The following DGKI variants were observed in gnomAD, a reference collection of about 807,000 sequenced individuals.
DGKI encodes the protein diacylglycerol kinase iota.
In DGKI, 55 loss-of-function variants were observed where a neutral mutation model predicts 147.5. The observed-to-expected ratio is 0.37, with a 90% CI of 0.30 to 0.47. The LOEUF (loss-of-function observed/expected upper bound fraction) is 0.47. Ranked by LOEUF, DGKI falls within the 20% of genes least tolerant of loss-of-function variation. DGKI has a pLI of 1.00. For missense variants in DGKI, 1,007 were observed against 1,323.8 expected (o/e 0.76, Z 3.71); for synonymous variants, 469 against 477.1 (o/e 0.98, Z 0.22).
chr7:137,681,839 T>A (rs1053813325), intron 2 of DGKI, among the ~76,000 whole-genome samples: 1 of 152,392 alleles, frequency 6.6e-6, no homozygotes, highest in African/African-American at 2.4e-5. Flanking sequence ...TTTTTGTTTG[T>A]CTGGCGGCCT....
chr7:137,466,044 G>A lies in DGKI; in HGVS notation c.2485-9C>T, dbSNP rs1358842431. On this transcript the variant is annotated splice_polypyrimidine_tract_variant and intron_variant, in intron 25 of 32. Coordinates refer to ENST00000614521, the MANE Select transcript of DGKI (RefSeq NM_001321708.2). Reference sequence around the variant, plus strand: ...ACAAAGTGCAAATGTTCCTAAAGAAGAACAAGAAGTCTGTTGCATGAAGAA... The same window carrying A: ...ACAAAGTGCAAATGTTCCTAAAGAAAAACAAGAAGTCTGTTGCATGAAGAA... 2.5e-6 allele frequency: 4 copies of A among 1,613,172 alleles called. No individual in the cohort carries two copies. The highest frequency in any genetic ancestry group is 3.4e-6 in the Non-Finnish European group (4 of 1,179,500).
intron 7 of DGKI, among the ~76,000 whole-genome samples, chr7:137,622,892 C>T (rs954318216): frequency 2.0e-5 from 3 of 152,158 alleles, no homozygotes; most frequent in Admixed American, 6.5e-5. Flanking sequence ...CCATCAGATC[C>T]TAATGAGTAT....
intron 1 of DGKI, among the ~76,000 whole-genome samples, chr7:137,717,391 C>T (rs1185108786): frequency 1.3e-5 from 2 of 152,016 alleles, no homozygotes; most frequent in African/African-American, 4.8e-5. Context: ...GAGTAATTGG[C>T]ATTTTGGCTA....
At chr7:137,802,674 A>G (rs1420927920) in intron 1 of DGKI, among the ~76,000 whole-genome samples, 8 of 152,104 alleles carry the variant, frequency 5.3e-5, no homozygotes, top group Admixed American at 5.2e-4. Context: ...AAAAACTGAG[A>G]TTTTCCAGAG....
intron 1 of DGKI, among the ~76,000 whole-genome samples, chr7:137,758,715 T>C (rs1458249973): frequency 6.6e-6 from 1 of 151,590 alleles, no homozygotes; most frequent in Non-Finnish European, 1.5e-5. Context: ...TAAAATTATA[T>C]ATATATATAT....
chr7:137,571,970 C>T (rs1003953447), intron 18 of DGKI, among the ~76,000 whole-genome samples: 14 of 152,152 alleles, frequency 9.2e-5, no homozygotes, highest in Non-Finnish European at 8.8e-5. Context: ...TTCAATTAAG[C>T]TGTAAATATT....
chr7:137,742,323 A>T (rs954054099), intron 1 of DGKI, among the ~76,000 whole-genome samples: 19 of 152,214 alleles, frequency 1.2e-4, no homozygotes, highest in African/African-American at 4.1e-4. Context: ...GGATAAAAAA[A>T]AAATAAAGGA....
intron 1 of DGKI, among the ~76,000 whole-genome samples, chr7:137,799,971 T>C (rs1482341655): frequency 6.6e-6 from 1 of 152,188 alleles, no homozygotes; most frequent in Non-Finnish European, 1.5e-5. Context: ...AGTTTTTCAG[T>C]ACGGTTCTCT....
At chr7:137,470,871 TCC>T (rs764777268) in intron 23 of DGKI, among the ~76,000 whole-genome samples, 11 of 152,226 alleles carry the variant, frequency 7.2e-5, no homozygotes, top group Non-Finnish European at 1.6e-4. Context: ...AAGCTGCCCT[TCC>T]AAGAGATTGC....
rs141767005 is a variant in DGKI at position 137,497,482 on chromosome 7, C to A, written c.2249-9793G>T. On this transcript the variant is annotated intron_variant, in intron 21 of 32. Coordinates refer to ENST00000614521, the MANE Select transcript of DGKI (RefSeq NM_001321708.2). ...CATAAATCACTCTAACATAAAGACA[C>A]ATGCACGTGTATGTTCACTGTAGCA... Among the ~76,000 whole-genome samples, 76 of 152,188 alleles carry A rather than the reference C, an allele frequency of 5.0e-4. 1 individual carries two copies. The East Asian group carries it at 0.014, about 29-fold the overall frequency.
chr7:137,761,971 T>C (rs73462645), intron 1 of DGKI, among the ~76,000 whole-genome samples: 8,208 of 152,278 alleles, frequency 0.054, 521 homozygotes, highest in African/African-American at 0.16. Context: ...TCCCTCATTT[T>C]CTAAGTCCAG....
intron 2 of DGKI, among the ~76,000 whole-genome samples, chr7:137,687,926 C>T (rs1823476053): frequency 6.6e-6 from 1 of 152,140 alleles, no homozygotes; most frequent in Admixed American, 6.5e-5. Context: ...TAGGCACAAA[C>T]CCAGCCTTCA....
Position 137,846,749 on chromosome 7 carries a change from G to A in DGKI, c.114C>T (p.Ser38=), listed in dbSNP as rs1047325221. 9.8e-6 allele frequency: 10 copies of A among 1,015,456 alleles called. No individual in the cohort carries two copies. The highest frequency in any genetic ancestry group is 5.2e-5 in the African/African-American group (3 of 57,596). The allele number at this position is 1,015,456 out of a possible 1,614,324, so 62.9% of individuals were successfully genotyped here. A position where few individuals can be genotyped will look rare whatever the true frequency, so the allele number is the denominator to read the frequency against. ...CCGCGGAGGGAGCGCAGGCGGCGCCGCTGCAGGGGCCGGGCGGGCTGGCGG... is the reference window on the plus strand; with the variant it reads ...CCGCGGAGGGAGCGCAGGCGGCGCCACTGCAGGGGCCGGGCGGGCTGGCGG... The part of the protein sequence containing the change: ...AAAASPPGPC[S]GAACAPSAAA... The change falls in exon 1 of 33, where the codon AGC becomes AGT. Residue 38 remains serine, a synonymous_variant. Coordinates refer to ENST00000614521, the MANE Select transcript of DGKI (RefSeq NM_001321708.2). This position sits in a 1 kb window ranked among gnomAD's most constrained non-coding sequence, Gnocchi z 4.0.
At chr7:137,726,071 C>T (rs1359632582) in intron 1 of DGKI, among the ~76,000 whole-genome samples, 6 of 152,146 alleles carry the variant, frequency 3.9e-5, no homozygotes, top group Admixed American at 1.3e-4. Context: ...TCTCCCACTG[C>T]CTGCTCTATA....
intron 4 of DGKI, among the ~76,000 whole-genome samples, chr7:137,655,977 T>G (rs952882348): frequency 1.3e-5 from 2 of 152,176 alleles, no homozygotes; most frequent in Non-Finnish European, 2.9e-5. Context: ...ACCCACACAT[T>G]TGAGCAGCAA....
At chr7:137,540,135 G>A (rs2128960653) in intron 20 of DGKI, among the ~76,000 whole-genome samples, 1 of 152,294 alleles carries the variant, frequency 6.6e-6, no homozygotes, top group African/African-American at 2.4e-5. Context: ...GGCTCTGAGA[G>A]TTTCATTGGT....
At chr7:137,540,505 C>A (rs139364439) in intron 20 of DGKI, among the ~76,000 whole-genome samples, 1 of 151,868 alleles carries the variant, frequency 6.6e-6, no homozygotes, top group Non-Finnish European at 1.5e-5. Context: ...GATACAAGGT[C>A]AACATATAAA....
chr7:137,832,410 A>G (rs1326798387), intron 1 of DGKI, among the ~76,000 whole-genome samples: 3 of 152,228 alleles, frequency 2.0e-5, no homozygotes, highest in Non-Finnish European at 4.4e-5. Flanking sequence ...CTTGACTTCC[A>G]TGTACCTGCA....
Position 137,846,607 on chromosome 7 carries a change from C to T in DGKI, c.256G>A (p.Gly86Ser). The T allele has an allele frequency of 1.7e-5, 19 of 1,098,566 alleles. No individual in the cohort carries two copies. The highest frequency in any genetic ancestry group is 2.1e-5 in the Non-Finnish European group (19 of 908,282). 68.1% of individuals were successfully genotyped at this position (1,098,566 alleles called of 1,614,324 possible). Residue 86 changes from glycine (G) to serine (S), a missense_variant, in exon 1 of 33, where the codon GGC becomes AGC. Physicochemically the swap from Gly to Ser is moderately conservative, Grantham distance 56. Around this residue, in one of 5 missense-constraint regions of DGKI, gnomAD observed 137 missense variants for 114.4 expected, o/e 1.20. Transcript: ENST00000614521. The surrounding 1 kb of genome is among the most constrained non-coding windows in gnomAD (Gnocchi z 4.0). ...GACCCTGCGCCCCGCGGGTCCGCGC[C>T]GCCCTCGGCGCCCAGGCAGCAGCTC... ...AGSCCLGAEG[G>S]ADPRGAGSAA...
Sources: allele counts gnomAD v4.1 joint callset (sites outside exome capture counted in the v4.1 genomes callset), GRCh38; gene constraint gnomAD v4.1.1; regional missense constraint gnomAD v4.1.1; non-coding constraint Gnocchi (gnomAD v3.1); transcripts MANE v1.5; gene names NCBI Gene and HGNC (gene_info 2026-07-23, HGNC 2026-07-21).